GRIK2: variants seen among roughly 807,000 people sequenced by gnomAD.
GRIK2 encodes glutamate ionotropic receptor kainate type subunit 2.
In GRIK2, 32 loss-of-function variants were observed where a neutral mutation model predicts 100.3. The ratio of observed to expected loss-of-function variants is 0.32; its 90% CI spans 0.24 to 0.43. GRIK2 has a LOEUF of 0.43. GRIK2 is among the 20% of genes least tolerant of loss of function. The probability of loss-of-function intolerance (pLI) is 1.00; values close to 1 mark genes in which losing one functional copy is unlikely to be tolerated. For synonymous variants in GRIK2, 417 were observed against 389.4 expected (o/e 1.07, Z -0.83); for missense variants, 843 against 1,114.9 (o/e 0.76, Z 3.47).
At chr6:101,633,964 G>A (rs1315936033) in intron 4 of GRIK2, among the ~76,000 whole-genome samples, 1 of 152,076 alleles carries the variant, frequency 6.6e-6, no homozygotes. Flanking sequence ...GTTACATGAT[G>A]TTAGTTGTTG....
chr6:101,618,555 T>G (rs1258292817), intron 2 of GRIK2, among the ~76,000 whole-genome samples: 1 of 151,828 alleles, frequency 6.6e-6, no homozygotes, highest in Non-Finnish European at 1.5e-5. Flanking sequence ...GTCATTCCTA[T>G]TCTTTCTTTT....
At position 101,799,681 on chromosome 6, in the gene GRIK2, G is replaced by T; in HGVS notation, c.985G>T (p.Val329Leu). The T allele has an allele frequency of 6.2e-7, 1 of 1,613,016 alleles. No homozygotes were observed. The highest frequency in any genetic ancestry group is 1.3e-5 in the African/African-American group (1 of 74,972). Residue 329 changes from valine (V) to leucine (L), a missense_variant, in exon 8 of 17, where the codon GTG becomes TTG. Coordinates refer to ENST00000369134, the MANE Select transcript of GRIK2 (RefSeq NM_021956.5). ...DAALMYDAVH[V>L]VSVAVQQFPQ... ...TGCTCTAATGTATGATGCTGTGCAT[G>T]TGGTGTCTGTGGCCGTTCAACAGTT...
At chr6:101,669,126 C>A (rs953201789) in intron 4 of GRIK2, among the ~76,000 whole-genome samples, 1 of 151,972 alleles carries the variant, frequency 6.6e-6, no homozygotes, top group African/African-American at 2.4e-5. Flanking sequence ...TTTGTGGAGC[C>A]CATCTGTGCA....
intron 2 of GRIK2, among the ~76,000 whole-genome samples, chr6:101,544,977 G>T (rs570801173): frequency 2.6e-5 from 4 of 152,060 alleles, no homozygotes; most frequent in African/African-American, 9.7e-5. Flanking sequence ...AATAAAGACC[G>T]CCCTAGGATG....
intron 14 of GRIK2, among the ~76,000 whole-genome samples, chr6:101,976,234 T>G (rs1215994447): frequency 6.6e-6 from 1 of 152,106 alleles, no homozygotes; most frequent in South Asian, 2.1e-4. Flanking sequence ...TGGAGACCAC[T>G]GAAGAAATTT....
At chr6:102,047,854 G>A (rs1770976810) in intron 15 of GRIK2, among the ~76,000 whole-genome samples, 1 of 151,720 alleles carries the variant, frequency 6.6e-6, no homozygotes, top group Non-Finnish European at 1.5e-5. Flanking sequence ...AAATAGAAAA[G>A]CAATCCTATA....
chr6:101,761,608 A>T (rs558017080), intron 7 of GRIK2, among the ~76,000 whole-genome samples: 2 of 152,114 alleles, frequency 1.3e-5, no homozygotes, highest in African/African-American at 4.8e-5. Context: ...ACAAATCACT[A>T]TCTTACACAA....
At chr6:101,861,025 C>T (rs935776009) in intron 11 of GRIK2, 1 of 336,342 alleles carries the variant, frequency 3.0e-6, no homozygotes, top group Non-Finnish European at 4.2e-6. Flanking sequence ...TGCTCGTGAG[C>T]ACTTGGTAAG....
intron 2 of GRIK2, among the ~76,000 whole-genome samples, chr6:101,579,963 ACTT>A (rs767170741): frequency 6.6e-5 from 10 of 151,404 alleles, no homozygotes; most frequent in African/African-American, 2.2e-4. Flanking sequence ...CTTTATGACT[ACTT>A]CTTCTCATCC....
chr6:101,797,071 A>G (rs912404837), intron 7 of GRIK2, among the ~76,000 whole-genome samples: 21 of 152,222 alleles, frequency 1.4e-4, no homozygotes, highest in Middle Eastern at 6.8e-3. Flanking sequence ...TAGATTATCT[A>G]TATGTCAGTA....
At chr6:101,919,306 A>G (rs1789340307) in intron 12 of GRIK2, among the ~76,000 whole-genome samples, 1 of 151,824 alleles carries the variant, frequency 6.6e-6, no homozygotes, top group Non-Finnish European at 1.5e-5. Context: ...CAAAAGTGCA[A>G]TGAAGTCGGT....
At chr6:101,924,389 T>C (rs1336563290) in intron 12 of GRIK2, among the ~76,000 whole-genome samples, 1 of 152,170 alleles carries the variant, frequency 6.6e-6, no homozygotes, top group Non-Finnish European at 1.5e-5. Context: ...AGTAAGAAAA[T>C]GCAATTTCTT....
intron 14 of GRIK2, among the ~76,000 whole-genome samples, chr6:101,977,047 AC>A (rs1383442229): frequency 1.3e-5 from 2 of 152,028 alleles, no homozygotes; most frequent in Non-Finnish European, 2.9e-5. Context: ...TGACACAGGT[AC>A]TAATGACTTA....
chr6:101,855,342 A>C (rs1190850376), intron 10 of GRIK2, among the ~76,000 whole-genome samples: 1 of 152,194 alleles, frequency 6.6e-6, no homozygotes, highest in East Asian at 1.9e-4. Flanking sequence ...TCAAAAGATA[A>C]ATAAACAAAA....
At chr6:101,612,178 T>C (rs1779709753) in intron 2 of GRIK2, among the ~76,000 whole-genome samples, 1 of 151,148 alleles carries the variant, frequency 6.6e-6, no homozygotes, top group African/African-American at 2.5e-5. Context: ...GCTAGACCTG[T>C]TTCACGGTCT....
intron 2 of GRIK2, among the ~76,000 whole-genome samples, chr6:101,603,468 A>G (rs1332816662): frequency 1.3e-5 from 2 of 151,692 alleles, no homozygotes; most frequent in African/African-American, 2.4e-5. Flanking sequence ...GTGATGAGAA[A>G]GAAGAGTTAC....
intron 2 of GRIK2, among the ~76,000 whole-genome samples, chr6:101,583,269 C>T (rs1028858277): frequency 6.6e-6 from 1 of 152,076 alleles, no homozygotes. Flanking sequence ...GAGAAGCTGA[C>T]ACTTAATGGA....
At chr6:101,754,394 A>T (rs1776994048) in intron 7 of GRIK2, among the ~76,000 whole-genome samples, 1 of 152,212 alleles carries the variant, frequency 6.6e-6, no homozygotes, top group African/African-American at 2.4e-5. Flanking sequence ...ATGTTGTAGG[A>T]GACAGTAAAA....
At chr6:101,663,367 T>C (rs1473072610) in intron 4 of GRIK2, among the ~76,000 whole-genome samples, 1 of 152,052 alleles carries the variant, frequency 6.6e-6, no homozygotes, top group Admixed American at 6.5e-5. Context: ...AGAGCGACAG[T>C]AAGACAGGCG....
Sources: allele counts gnomAD v4.1 joint callset (sites outside exome capture counted in the v4.1 genomes callset), GRCh38; gene constraint gnomAD v4.1.1; transcripts MANE v1.5; gene names NCBI Gene and HGNC (gene_info 2026-07-23, HGNC 2026-07-21).